Variants in EFEMP1 observed in about 807,000 individuals in gnomAD.
The protein encoded by EFEMP1 is EGF-like fibulin extracellular matrix protein 1.
A neutral mutation model predicts 65.7 loss-of-function variants in EFEMP1; 18 were observed. The observed-to-expected ratio is 0.27, with a 90% CI of 0.19 to 0.41. EFEMP1 has a LOEUF of 0.41. Ranked by LOEUF, EFEMP1 falls within the 10% of genes least tolerant of loss-of-function variation. EFEMP1 has a pLI of 1.00. For missense variants in EFEMP1, 469 were observed against 624.8 expected (o/e 0.75, Z 2.66); for synonymous variants, 237 against 219.7 (o/e 1.08, Z -0.70).
intron 5 of EFEMP1, among the ~76,000 whole-genome samples, chr2:55,884,569 G>C (rs781454799): frequency 9.2e-5 from 14 of 152,174 alleles, no homozygotes; most frequent in Non-Finnish European, 2.1e-4. Context: ...ACAGCCTTTT[G>C]TAGGTATCTC....
intron 5 of EFEMP1, among the ~76,000 whole-genome samples, chr2:55,911,426 T>C (rs941953882): frequency 6.6e-6 from 1 of 152,238 alleles, no homozygotes; most frequent in Middle Eastern, 3.4e-3. Flanking sequence ...CAGACTTGAG[T>C]AGGCGTCCAT....
chr2:55,897,301 C>T (rs999015285), intron 5 of EFEMP1, among the ~76,000 whole-genome samples: 1 of 152,132 alleles, frequency 6.6e-6, no homozygotes, highest in African/African-American at 2.4e-5. Flanking sequence ...TACAGGATAC[C>T]TAGTCTGGGG....
At position 55,896,170 on chromosome 2, in the gene EFEMP1, A is replaced by G. The variant is rs555518972; in HGVS notation, c.518-14436T>C. Among the ~76,000 whole-genome samples the G allele has an allele frequency of 1.4e-4, 21 of 152,378 alleles. No homozygotes were observed. The South Asian group carries it at 4.3e-3, about 32-fold the overall frequency. On this transcript the variant is annotated intron_variant, in intron 5 of 11. Transcript: ENST00000355426. The stretch of plus-strand genomic sequence containing the variant: ...AGCATGTTTATACTATAAACTGGCA[A>G]AACAGTTCAGATAAATAACATTTGA...
chr2:55,898,443 ACT>A (rs886688394), intron 5 of EFEMP1, among the ~76,000 whole-genome samples: 28 of 152,100 alleles, frequency 1.8e-4, no homozygotes, highest in African/African-American at 5.5e-4. Flanking sequence ...TACGTAGCAC[ACT>A]CTCTTTTTAT....
At chr2:55,887,157 A>G (rs532588540) in intron 5 of EFEMP1, among the ~76,000 whole-genome samples, 1 of 152,294 alleles carries the variant, frequency 6.6e-6, no homozygotes, top group East Asian at 1.9e-4. Context: ...AAAAAAAAGG[A>G]TGTCACTGAA....
rs1403589477 is a variant in EFEMP1 at position 55,922,276 on chromosome 2, A to G, written c.81+84T>C. The G allele has an allele frequency of 7.9e-7, 1 of 1,265,344 alleles. No homozygotes were observed. The highest frequency in any genetic ancestry group is 2.3e-5 in the East Asian group (1 of 42,754). 78.4% of individuals were successfully genotyped at this position (1,265,344 alleles called of 1,614,324 possible). A position where few individuals can be genotyped will look rare whatever the true frequency, so the allele number is the denominator to read the frequency against. On this transcript the variant is annotated intron_variant, in intron 3 of 11. Coordinates refer to ENST00000355426, the MANE Select transcript of EFEMP1 (RefSeq NM_001039348.3). This position sits in a 1 kb window ranked among gnomAD's most constrained non-coding sequence, Gnocchi z 5.5. ...TCACCCTCAGCAGAGTATAGCCCAA[A>G]TACACTGGCAGGGGTGTGTAAAGTC...
intron 5 of EFEMP1, among the ~76,000 whole-genome samples, chr2:55,889,672 C>T (rs1024935489): frequency 2.0e-5 from 3 of 151,806 alleles, no homozygotes; most frequent in African/African-American, 7.3e-5. Flanking sequence ...AGAATAATAG[C>T]ATATATAGTT....
rs1670989659 is a variant in EFEMP1, at chr2:55,923,524, G to T, written c.-49+187C>A. The stretch of plus-strand genomic sequence containing the variant: ...CCCAACAGATGTCACCCGAGTACTC[G>T]CACTTGCTGACAGATCGCATTCCGA... On this transcript the variant is annotated intron_variant, in intron 1 of 11. Coordinates refer to ENST00000355426, the MANE Select transcript of EFEMP1 (RefSeq NM_001039348.3). The surrounding 1 kb of genome is among the most constrained non-coding windows in gnomAD (Gnocchi z 5.3). Among the ~76,000 whole-genome samples, 1 of 152,124 alleles carries T rather than the reference G, an allele frequency of 6.6e-6. No individual in the cohort carries two copies. The highest frequency in any genetic ancestry group is 1.5e-5 in the Non-Finnish European group (1 of 68,022).
chr2:55,912,957 A>T (rs902312842), intron 5 of EFEMP1, among the ~76,000 whole-genome samples: 1 of 152,200 alleles, frequency 6.6e-6, no homozygotes, highest in Non-Finnish European at 1.5e-5. Context: ...CACATAAAAC[A>T]TCTAAAACAA....
rs770159927 is a variant in EFEMP1, at chr2:55,918,054, G to A, written c.131-3C>T. On this transcript the variant is annotated splice_polypyrimidine_tract_variant and splice_region_variant and intron_variant, in intron 4 of 11. Transcript: ENST00000355426. ...GACAATGTCACATTCATCAATATCTGTGGTCAGTAATAAAATAAGTCAGGA... is the reference window on the plus strand; with the variant it reads ...GACAATGTCACATTCATCAATATCTATGGTCAGTAATAAAATAAGTCAGGA... 3 of 1,614,144 alleles carry A rather than the reference G, an allele frequency of 1.9e-6. No homozygotes were observed. Among genetic ancestry groups the A allele is most frequent in the Non-Finnish European group, 2.5e-6 (3 of 1,180,026 alleles).
intron 6 of EFEMP1, among the ~76,000 whole-genome samples, chr2:55,881,099 C>G (rs775513226): frequency 1.2e-4 from 19 of 152,218 alleles, no homozygotes; most frequent in Non-Finnish European, 2.6e-4. Context: ...TCTAAGCATT[C>G]CCTACATGAG....
rs766834306 is a variant in EFEMP1, at chr2:55,917,807, G to T, written c.375C>A (p.Val125=). 5 of 1,614,212 alleles carry T rather than the reference G, an allele frequency of 3.1e-6. No homozygotes were observed. The highest frequency in any genetic ancestry group is 1.1e-5 in the South Asian group (1 of 91,084). ...GGCCAGTCTGCATTTCAGGGCCTGC[G>T]ACTGCAGCAGCACTGGCCACAAAAC... is the stretch of plus-strand genomic sequence containing the variant. ...GGGFVASAAA[V]AGPEMQTGRN... Residue 125 remains valine, a synonymous_variant, in exon 5 of 12, where the codon GTC becomes GTA. Coordinates refer to ENST00000355426, the MANE Select transcript of EFEMP1 (RefSeq NM_001039348.3). The surrounding 1 kb of genome is among the most constrained non-coding windows in gnomAD (Gnocchi z 6.3).
At chr2:55,895,543 T>C (rs1464478844) in intron 5 of EFEMP1, among the ~76,000 whole-genome samples, 1 of 136,110 alleles carries the variant, frequency 7.3e-6, no homozygotes, top group African/African-American at 3.2e-5. Flanking sequence ...CCACAAATTA[T>C]CTTTTTTTTT....
At chr2:55,881,908 C>T (rs1439564776) in intron 5 of EFEMP1, among the ~76,000 whole-genome samples, 174 bp from the exon 6 acceptor site, 2 of 152,130 alleles carry the variant, frequency 1.3e-5, no homozygotes, top group Non-Finnish European at 1.5e-5. Context: ...AATAATTTTG[C>T]AAATACCAGT....
chr2:55,902,983 A>G (rs538074884), intron 5 of EFEMP1, among the ~76,000 whole-genome samples: 7 of 152,350 alleles, frequency 4.6e-5, no homozygotes, highest in Admixed American at 4.6e-4. Flanking sequence ...TGTTCTTTGT[A>G]AATAATTTCA....
Position 55,873,882 on chromosome 2 carries a change from G to A in EFEMP1, c.1000+1064C>T, listed in dbSNP as rs780631216. ...TTCCTTGATCTTTCTTTTCTTAACA[G>A]GATCTTTATTGTCCTTGTGTGCCTT... On this transcript the variant is annotated intron_variant, in intron 9 of 11. Coordinates refer to ENST00000355426, the MANE Select transcript of EFEMP1 (RefSeq NM_001039348.3). This position sits in a 1 kb window ranked among gnomAD's most constrained non-coding sequence, Gnocchi z 4.6. Among the ~76,000 whole-genome samples the A allele has an allele frequency of 1.3e-5, 2 of 151,940 alleles. No homozygotes were observed. The highest frequency in any genetic ancestry group is 2.9e-5 in the Non-Finnish European group (2 of 67,928).
rs958143689 is a variant in EFEMP1 at position 55,871,777 on chromosome 2, T to C, written c.1001-654A>G. ...TAAGCTGAAGCATGCTGGGAGTGGA[T>C]TATACTGTCCAGAGGAAGCACAGCA... On this transcript the variant is annotated intron_variant, in intron 9 of 11. Coordinates refer to ENST00000355426, the MANE Select transcript of EFEMP1 (RefSeq NM_001039348.3). This position sits in a 1 kb window ranked among gnomAD's most constrained non-coding sequence, Gnocchi z 4.2. 6.6e-6 allele frequency among the ~76,000 whole-genome samples: 1 copy of C among 152,028 alleles called. No individual in the cohort carries two copies. Among genetic ancestry groups the C allele is most frequent in the African/African-American group, 2.4e-5 (1 of 41,398 alleles).
At chr2:55,912,182 A>G (rs1192340718) in intron 5 of EFEMP1, among the ~76,000 whole-genome samples, 3 of 152,130 alleles carry the variant, frequency 2.0e-5, no homozygotes, top group African/African-American at 4.8e-5. Flanking sequence ...AATTTACTCA[A>G]TTATAGTCTT....
At position 55,885,386 on chromosome 2, in the gene EFEMP1, C is replaced by G. The variant is rs1669388570; in HGVS notation, c.518-3652G>C. On this transcript the variant is annotated intron_variant, in intron 5 of 11. Transcript: ENST00000355426. The surrounding 1 kb of genome is among the most constrained non-coding windows in gnomAD (Gnocchi z 4.3). The stretch of plus-strand genomic sequence containing the variant: ...GAGGATCATGAAATGCTAGATCTGT[C>G]GTGAACAAAATTCAAGGCCTTAAAG... Among the ~76,000 whole-genome samples the G allele has an allele frequency of 6.6e-6, 1 of 152,114 alleles. No individual in the cohort carries two copies. The highest frequency in any genetic ancestry group is 6.6e-5 in the Admixed American group (1 of 15,262).
Sources: gnomAD v4.1 joint callset for allele counts (sites outside exome capture counted in the v4.1 genomes callset) on GRCh38, gnomAD v4.1.1 for gene constraint, Gnocchi (gnomAD v3.1) non-coding constraint, MANE v1.5 for transcripts, NCBI Gene and HGNC (gene_info 2026-07-23, HGNC 2026-07-21) for gene names.